PDE9A: variants seen among roughly 807,000 people sequenced by gnomAD.
PDE9A encodes phosphodiesterase 9A, also known as high affinity cGMP-specific 3',5'-cyclic phosphodiesterase 9A.
Under a neutral mutation model 87.4 loss-of-function variants are expected in PDE9A, and 60 were observed. The ratio of observed to expected loss-of-function variants is 0.69; its 90% CI spans 0.56 to 0.85. The LOEUF (loss-of-function observed/expected upper bound fraction) is 0.85, where lower values mean the gene tolerates loss of function less well. PDE9A is among the 40% of genes least tolerant of loss of function. PDE9A has a pLI of 0.00. For synonymous variants in PDE9A, 272 were observed against 279.4 expected, an observed-to-expected ratio of 0.97 and a Z score of 0.27; for missense variants, 665 against 779.0, an observed-to-expected ratio of 0.85 and a Z score of 1.74.
At chr21:42,700,957 A>G (rs2048336977) in intron 4 of PDE9A, 1 of 152,192 alleles carries the variant, frequency 6.6e-6, no homozygotes, top group South Asian at 2.1e-4. Context: ...TTTTATTTTC[A>G]AATAAATTTT....
At chr21:42,703,300 T>C (rs2146364748) in intron 4 of PDE9A, among the ~76,000 whole-genome samples, 1 of 152,230 alleles carries the variant, frequency 6.6e-6, no homozygotes, top group East Asian at 1.9e-4. Flanking sequence ...GGTGTTGAAG[T>C]CTGGGACTTG....
chr21:42,707,805 G>T (rs1177153185), intron 4 of PDE9A, among the ~76,000 whole-genome samples: 1 of 152,196 alleles, frequency 6.6e-6, no homozygotes, highest in Non-Finnish European at 1.5e-5. Flanking sequence ...TGCATACCTT[G>T]CATGGTTCTT....
intron 4 of PDE9A, among the ~76,000 whole-genome samples, chr21:42,700,463 T>A (rs549172147): frequency 6.6e-6 from 1 of 152,340 alleles, no homozygotes; most frequent in Admixed American, 6.5e-5. Context: ...TATAAGAGTC[T>A]GTAGAGTGTT....
chr21:42,731,139 G>T (rs2051689566), intron 4 of PDE9A, among the ~76,000 whole-genome samples: 1 of 152,142 alleles, frequency 6.6e-6, no homozygotes, highest in South Asian at 2.1e-4. Flanking sequence ...GTATTTTTTA[G>T]TAGAGACGGG....
chr21:42,749,043 G>A (rs962111819), intron 8 of PDE9A, among the ~76,000 whole-genome samples: 1 of 152,188 alleles, frequency 6.6e-6, no homozygotes, highest in Admixed American at 6.5e-5. Context: ...GGACATTCAG[G>A]TGGCTTCTAG....
rs551504420 is a variant in PDE9A, at chr21:42,697,522, TAAC to T, written c.219-1442_219-1440del. ...ACTTGCATGTTTGTCTTCATCTTCT[TAAC>T]AACTACCTGACACTGCAGTGTCTCA... On this transcript the variant is annotated intron_variant, in intron 3 of 19. Transcript: ENST00000291539. 3.2e-3 allele frequency: 4,157 copies of T among 1,309,112 alleles called. 17 individuals are homozygous for T. The highest frequency in any genetic ancestry group is 5.2e-3 in the Middle Eastern group (29 of 5,534). 81.1% of individuals were successfully genotyped at this position (1,309,112 alleles called of 1,614,324 possible).
At chr21:42,724,069 C>T (rs2050787794) in intron 4 of PDE9A, among the ~76,000 whole-genome samples, 1 of 152,176 alleles carries the variant, frequency 6.6e-6, no homozygotes, top group South Asian at 2.1e-4. Context: ...CCCCCAGAAT[C>T]CAGCGGTTTC....
chr21:42,772,338 C>T (rs981511437), intron 18 of PDE9A, 101 bp from the exon 19 acceptor site: 22 of 741,906 alleles, frequency 3.0e-5, no homozygotes, highest in South Asian at 6.3e-5. Context: ...CAGGCTTTCA[C>T]GTTGCAGCAC....
intron 4 of PDE9A, 62 bp from the exon 5 acceptor site, chr21:42,731,708 G>T: frequency 6.6e-7 from 1 of 1,512,992 alleles, no homozygotes; most frequent in South Asian, 1.2e-5. Context: ...CCATAAAATA[G>T]ACCTGGACAC....
chr21:42,711,321 G>A (rs2049324260), intron 4 of PDE9A, among the ~76,000 whole-genome samples: 1 of 149,940 alleles, frequency 6.7e-6, no homozygotes, highest in Non-Finnish European at 1.5e-5. Context: ...TGTGCGATAA[G>A]CTCACTGCAA....
Position 42,760,382 on chromosome 21 carries a change from T to C in PDE9A, c.952T>C (p.Phe318Leu). ...NNPFHNFRHC[F>L]CVAQMMYSMV... ...CCCCTTCCACAACTTCCGGCACTGC[T>C]TCTGCGTGGCCCAGATGATGTACAG... The change falls in exon 12 of 20, where the codon TTC (phenylalanine) becomes CTC (leucine). Residue 318 changes from phenylalanine (F) to leucine (L), a missense_variant. Phe to Leu is a conservative substitution (Grantham distance 22). Transcript: ENST00000291539. This position sits in a 1 kb window ranked among gnomAD's most constrained non-coding sequence, Gnocchi z 5.2. 6.2e-7 allele frequency: 1 copy of C among 1,610,056 alleles called. No individual in the cohort carries two copies. The highest frequency in any genetic ancestry group is 8.5e-7 in the Non-Finnish European group (1 of 1,179,540).
At position 42,770,758 on chromosome 21, in the gene PDE9A, G is replaced by A. The variant is rs749047342; in HGVS notation, c.1646G>A (p.Arg549His). The change falls in exon 18 of 20, where the codon CGC becomes CAC. Residue 549 changes from arginine to histidine, a missense_variant. Coordinates refer to ENST00000291539, the MANE Select transcript of PDE9A (RefSeq NM_002606.3). Reference protein sequence around the residue: ...MLQPLWESRDRYEELKRIDDA... With the variant: ...MLQPLWESRDHYEELKRIDDA... ...CAGCCACTTTGGGAATCCCGAGATC[G>A]CTACGAGGAGCTGAAGCGGATAGAT... is the stretch of plus-strand genomic sequence containing the variant. 8.7e-6 allele frequency: 14 copies of A among 1,614,084 alleles called. No homozygotes were observed. Among genetic ancestry groups the A allele is most frequent in the South Asian group, 2.2e-5 (2 of 91,084 alleles).
In PDE9A at chr21:42,751,154, A is replaced by G; in HGVS notation, c.692A>G (p.His231Arg). 6.2e-7 allele frequency: 1 copy of G among 1,613,356 alleles called. No individual in the cohort carries two copies. Among genetic ancestry groups the G allele is most frequent in the Non-Finnish European group, 8.5e-7 (1 of 1,179,360 alleles). Residue 231 changes from histidine (H) to arginine (R), a missense_variant, in exon 9 of 20, where the codon CAC becomes CGC. Physicochemically the swap from His to Arg is conservative, Grantham distance 29 (BLOSUM62 0). Transcript: ENST00000291539. The stretch of plus-strand genomic sequence containing the variant: ...TGTAAGTACAGTTTTTTGGATAACC[A>G]CAAGAAGTTGACTCCTCGACGCGAT... ...CPCKYSFLDN[H>R]KKLTPRRDVP...
At chr21:42,656,630 A>G (rs538101322) in intron 1 of PDE9A, among the ~76,000 whole-genome samples, 1 of 152,284 alleles carries the variant, frequency 6.6e-6, no homozygotes, top group East Asian at 1.9e-4. Flanking sequence ...AACTCCAGAC[A>G]CGCACAGGTG....
Position 42,760,289 on chromosome 21 carries a change from C to T in PDE9A, c.898-39C>T. ...GGCTTTGGGAGGAGAGGTGGGCGGGCCCAGGCACAGGGTGACTCGGACCCC... is the reference window on the plus strand; with the variant it reads ...GGCTTTGGGAGGAGAGGTGGGCGGGTCCAGGCACAGGGTGACTCGGACCCC... On this transcript the variant is annotated intron_variant, in intron 11 of 19. Transcript: ENST00000291539. The surrounding 1 kb of genome is among the most constrained non-coding windows in gnomAD (Gnocchi z 5.2). 1.6e-6 allele frequency: 2 copies of T among 1,267,232 alleles called. No individual in the cohort carries two copies. Among genetic ancestry groups the T allele is most frequent in the Non-Finnish European group, 1.1e-6 (1 of 871,456 alleles). The allele number at this position is 1,267,232 out of a possible 1,614,324, so 78.5% of individuals were successfully genotyped here.
chr21:42,726,624 A>ATATATATATATGTATATATATTTTTT, intron 4 of PDE9A, among the ~76,000 whole-genome samples: 1 of 19,774 alleles, frequency 5.1e-5, no homozygotes, highest in African/African-American at 3.4e-4. Context: ...ATATATATAT[A>ATATATATATATGTATATATATTTTTT]TTTTTTTTTT....
At chr21:42,718,377 T>A (rs1398542769) in intron 4 of PDE9A, among the ~76,000 whole-genome samples, 2 of 151,814 alleles carry the variant, frequency 1.3e-5, no homozygotes, top group Non-Finnish European at 2.9e-5. Flanking sequence ...CCATTACGTG[T>A]TATATGTGCC....
At chr21:42,707,783 T>C (rs1602178945) in intron 4 of PDE9A, among the ~76,000 whole-genome samples, 1 of 152,180 alleles carries the variant, frequency 6.6e-6, no homozygotes, top group East Asian at 1.9e-4. Context: ...CCTGACAAAA[T>C]AGGAATTCTA....
intron 15 of PDE9A, among the ~76,000 whole-genome samples, chr21:42,766,600 C>T (rs2056426733): frequency 6.6e-6 from 1 of 152,136 alleles, no homozygotes; most frequent in Admixed American, 6.5e-5. Context: ...CAGTTAATTC[C>T]CAAAGACTGT....
Sources: gnomAD v4.1 joint callset for allele counts (sites outside exome capture counted in the v4.1 genomes callset) on GRCh38, gnomAD v4.1.1 for gene constraint, Gnocchi (gnomAD v3.1) non-coding constraint, MANE v1.5 for transcripts, NCBI Gene and HGNC (gene_info 2026-07-23, HGNC 2026-07-21) for gene names.